VWA8: variants seen among roughly 807,000 people sequenced by gnomAD.
The protein encoded by VWA8 is von Willebrand factor A domain containing 8.
Under a neutral mutation model 241.5 loss-of-function variants are expected in VWA8, and 221 were observed. That is an observed-to-expected ratio of 0.91 (90% CI 0.82 to 1.02). The LOEUF is 1.02. Ranked by LOEUF, VWA8 falls within the 50% of genes least tolerant of loss-of-function variation. The pLI is 0.00. For missense variants in VWA8, 2,322 were observed against 2,328.7 expected, an observed-to-expected ratio of 1.00 and a Z score of 0.06; for synonymous variants, 852 against 827.1, an observed-to-expected ratio of 1.03 and a Z score of -0.52.
intron 10 of VWA8, among the ~76,000 whole-genome samples, chr13:41,867,221 T>G (rs3844140): frequency 0.73 from 110,715 of 152,104 alleles, 41,199 homozygotes; most frequent in East Asian, 0.89. Context: ...CTGAGCCACT[T>G]GAAAAATCCT....
At chr13:41,838,525 C>T (rs954559754) in intron 12 of VWA8, among the ~76,000 whole-genome samples, 2 of 152,130 alleles carry the variant, frequency 1.3e-5, no homozygotes, top group Admixed American at 6.5e-5. Context: ...TTAAAAAATA[C>T]GCATTTCTAC....
chr13:41,630,113 T>C (rs1421190421), intron 37 of VWA8, among the ~76,000 whole-genome samples: 2 of 152,170 alleles, frequency 1.3e-5, no homozygotes, highest in African/African-American at 4.8e-5. Flanking sequence ...GCAGAGGTAG[T>C]GGGTTGGGAG....
intron 4 of VWA8, among the ~76,000 whole-genome samples, chr13:41,906,963 T>G (rs1566501893): frequency 6.6e-6 from 1 of 152,160 alleles, no homozygotes; most frequent in Admixed American, 6.5e-5. Context: ...CATCTTTTCA[T>G]GAAATTATTG....
At chr13:41,626,243 A>G (rs1026108226) in intron 37 of VWA8, among the ~76,000 whole-genome samples, 6 of 152,030 alleles carry the variant, frequency 3.9e-5, no homozygotes, top group Non-Finnish European at 8.8e-5. Flanking sequence ...AATAAAATTA[A>G]AAAGAAAACA....
At chr13:41,862,758 T>C (rs1314915356) in intron 12 of VWA8, among the ~76,000 whole-genome samples, 2 of 152,138 alleles carry the variant, frequency 1.3e-5, no homozygotes, top group African/African-American at 4.8e-5. Context: ...TGGCTATTAT[T>C]AAAAAGTCAA....
intron 14 of VWA8, among the ~76,000 whole-genome samples, chr13:41,828,765 C>T (rs1432784971): frequency 6.6e-6 from 1 of 151,978 alleles, no homozygotes; most frequent in African/African-American, 2.4e-5. Context: ...GAATATTCTC[C>T]TTCATAACCA....
intron 12 of VWA8, among the ~76,000 whole-genome samples, chr13:41,843,605 T>TA (rs1449071680): frequency 2.0e-5 from 3 of 151,676 alleles, no homozygotes; most frequent in Non-Finnish European, 1.5e-5. Context: ...GCGAAATTAA[T>TA]AAAAAAAGGG....
At chr13:41,637,128 C>CACAAT (rs2044763337) in intron 37 of VWA8, among the ~76,000 whole-genome samples, 1 of 151,316 alleles carries the variant, frequency 6.6e-6, no homozygotes, top group Non-Finnish European at 1.5e-5. Flanking sequence ...ATGTTTATTG[C>CACAAT]GGCACTATTC....
intron 12 of VWA8, among the ~76,000 whole-genome samples, chr13:41,859,977 A>T (rs1212867565): frequency 6.6e-6 from 1 of 152,212 alleles, no homozygotes; most frequent in Non-Finnish European, 1.5e-5. Context: ...TTTTTCATCA[A>T]TGTGCACTAT....
At chr13:41,791,273 T>C (rs1334698841) in intron 17 of VWA8, among the ~76,000 whole-genome samples, 3 of 151,962 alleles carry the variant, frequency 2.0e-5, no homozygotes, top group Non-Finnish European at 4.4e-5. Flanking sequence ...AGCTGTTTTC[T>C]ATTCATTTCT....
intron 39 of VWA8, among the ~76,000 whole-genome samples, chr13:41,605,647 C>T (rs1270221958): frequency 1.3e-5 from 2 of 152,138 alleles, no homozygotes; most frequent in Admixed American, 1.3e-4. Context: ...CACACCATTG[C>T]TATATCCCAA....
intron 30 of VWA8, among the ~76,000 whole-genome samples, chr13:41,692,139 T>G (rs2045182458): frequency 6.6e-6 from 1 of 152,106 alleles, no homozygotes; most frequent in Non-Finnish European, 1.5e-5. Context: ...GTGAACTTTG[T>G]ACTAAAGCCT....
At chr13:41,846,451 A>T (rs192230001) in intron 12 of VWA8, among the ~76,000 whole-genome samples, 2 of 152,318 alleles carry the variant, frequency 1.3e-5, no homozygotes, top group East Asian at 3.9e-4. Flanking sequence ...AAATGAGTGA[A>T]ATGAGTAAAA....
intron 20 of VWA8, among the ~76,000 whole-genome samples, chr13:41,765,730 A>G (rs953611959): frequency 2.6e-5 from 4 of 152,192 alleles, no homozygotes; most frequent in African/African-American, 9.7e-5. Context: ...GTTCCTATAC[A>G]TATTTATCTT....
chr13:41,784,795 T>A (rs1339669404), intron 18 of VWA8, among the ~76,000 whole-genome samples: 1 of 141,386 alleles, frequency 7.1e-6, no homozygotes, highest in Admixed American at 7.2e-5. Flanking sequence ...ACAAAATAAA[T>A]ATTTTAAAAT....
At chr13:41,821,600 G>GTA (rs1870962156) in intron 14 of VWA8, among the ~76,000 whole-genome samples, 3 of 151,720 alleles carry the variant, frequency 2.0e-5, no homozygotes, top group African/African-American at 7.3e-5. Flanking sequence ...TTAAAATTAA[G>GTA]GTTAGGTTTA....
chr13:41,841,804 A>T (rs1164828647), intron 12 of VWA8, among the ~76,000 whole-genome samples: 10 of 34,758 alleles, frequency 2.9e-4, no homozygotes, highest in Middle Eastern at 0.012. Context: ...AAAAAAAAAA[A>T]AAAAAAAAAA....
intron 1 of VWA8, among the ~76,000 whole-genome samples, chr13:41,958,040 C>T (rs1261646268): frequency 6.6e-6 from 1 of 152,116 alleles, no homozygotes; most frequent in Non-Finnish European, 1.5e-5. Context: ...AACCTCTTTG[C>T]TCTTAAAACC....
At chr13:41,572,635 T>C (rs1293613982) in intron 43 of VWA8, among the ~76,000 whole-genome samples, 1 of 151,668 alleles carries the variant, frequency 6.6e-6, no homozygotes, top group Non-Finnish European at 1.5e-5. Context: ...TAATCTCAAG[T>C]ACCCAGGGAC....
Sources: gnomAD v4.1 joint callset for allele counts (sites outside exome capture counted in the v4.1 genomes callset) on GRCh38, gnomAD v4.1.1 for gene constraint, MANE v1.5 for transcripts, NCBI Gene and HGNC (gene_info 2026-07-23, HGNC 2026-07-21) for gene names.